Variants in YPEL2 observed in about 807,000 individuals in gnomAD.
YPEL2 encodes the protein yippee like 2.
Under a neutral mutation model 19.1 loss-of-function variants are expected in YPEL2, and 2 were observed. The ratio of observed to expected loss-of-function variants is 0.10; its 90% CI spans 0.04 to 0.33. YPEL2 has a LOEUF of 0.33. YPEL2 is among the 10% of genes least tolerant of loss of function. The pLI is 1.00. For missense variants in YPEL2, 66 were observed against 140.7 expected, an observed-to-expected ratio of 0.47 and a Z score of 2.68; for synonymous variants, 52 against 50.0, an observed-to-expected ratio of 1.04 and a Z score of -0.17.
At chr17:59,351,387 G>A (rs996708162) in intron 1 of YPEL2, among the ~76,000 whole-genome samples, 7 of 151,950 alleles carry the variant, frequency 4.6e-5, no homozygotes, top group African/African-American at 1.4e-4. Flanking sequence ...AAAAAAGAAA[G>A]AAAAAGAAAG....
At position 59,401,191 on chromosome 17, in the gene YPEL2, G is replaced by A. The variant is rs2048069351; in HGVS notation, c.*4001G>A. On this transcript the variant is annotated 3_prime_UTR_variant, in exon 5 of 5. Transcript: ENST00000312655. ...TTTTTTTAAGGTCAGATTGCCTCAG[G>A]TTTAGAAAGAGGCTGAGAAATCAAA... 6.6e-6 allele frequency: 1 copy of A among 151,946 alleles called. No individual in the cohort carries two copies. The allele number at this position is 151,946 out of a possible 1,614,324, so 9.4% of individuals were successfully genotyped here. A position where few individuals can be genotyped will look rare whatever the true frequency, so the allele number is the denominator to read the frequency against.
intron 1 of YPEL2, among the ~76,000 whole-genome samples, chr17:59,351,218 T>C (rs1170440340): frequency 2.0e-5 from 3 of 151,936 alleles, no homozygotes; most frequent in Non-Finnish European, 4.4e-5. Context: ...CTACTAAAAA[T>C]ACAAAAATTA....
In YPEL2 at chr17:59,332,421, G is replaced by T. The variant is rs535607108; in HGVS notation, c.-196+597G>T. 2.6e-3 allele frequency among the ~76,000 whole-genome samples: 395 copies of T among 152,288 alleles called. 5 individuals are homozygous for T. The highest frequency in any genetic ancestry group is 7.4e-3 in the East Asian group (38 of 5,166). On this transcript the variant is annotated intron_variant, in intron 1 of 4. Coordinates refer to ENST00000312655, the MANE Select transcript of YPEL2 (RefSeq NM_001005404.4). Reference sequence around the variant, plus strand: ...AGTTCCTCCCTGGCCGCGTCTCGGCGCCTCCCCGGTGTCCTTGCCAAGGGG... The same window carrying T: ...AGTTCCTCCCTGGCCGCGTCTCGGCTCCTCCCCGGTGTCCTTGCCAAGGGG...
intron 2 of YPEL2, among the ~76,000 whole-genome samples, chr17:59,356,902 C>T (rs1435900359): frequency 1.3e-5 from 2 of 152,182 alleles, no homozygotes; most frequent in Non-Finnish European, 1.5e-5. Context: ...GACCTAATCA[C>T]CTCCCAAAGG....
chr17:59,390,353 G>C (rs1242653096), intron 4 of YPEL2, among the ~76,000 whole-genome samples: 8 of 152,100 alleles, frequency 5.3e-5, no homozygotes, highest in Non-Finnish European at 1.2e-4. Flanking sequence ...TGTTGCTCAG[G>C]CTGGCCTCAA....
chr17:59,357,276 T>C (rs771516856), intron 2 of YPEL2, among the ~76,000 whole-genome samples: 2 of 152,186 alleles, frequency 1.3e-5, no homozygotes, highest in African/African-American at 2.4e-5. Context: ...TAGTTTTAGT[T>C]TGGCTAAGAT....
intron 2 of YPEL2, among the ~76,000 whole-genome samples, chr17:59,378,798 C>G (rs1406278592): frequency 6.6e-6 from 1 of 152,208 alleles, no homozygotes; most frequent in African/African-American, 2.4e-5. Flanking sequence ...CCTGCCCCTC[C>G]CTCCATCTGT....
At chr17:59,387,141 TC>T (rs908264799) in intron 2 of YPEL2, among the ~76,000 whole-genome samples, 5 of 148,832 alleles carry the variant, frequency 3.4e-5, no homozygotes, top group African/African-American at 5.0e-5. Flanking sequence ...ACACCTGTGG[TC>T]CCAGCTACTC....
intron 1 of YPEL2, among the ~76,000 whole-genome samples, chr17:59,345,607 A>G (rs976683415): frequency 2.6e-5 from 4 of 152,176 alleles, no homozygotes; most frequent in Non-Finnish European, 5.9e-5. Flanking sequence ...GTCCCCAGCT[A>G]AGCCACAGAA....
At chr17:59,355,071 C>T (rs980243795) in intron 2 of YPEL2, 2 of 151,860 alleles carry the variant, frequency 1.3e-5, no homozygotes, top group Non-Finnish European at 2.9e-5. Flanking sequence ...GAAGCAGTGC[C>T]ATGTATCATA....
chr17:59,372,230 A>T (rs1026282109), intron 2 of YPEL2, among the ~76,000 whole-genome samples: 2 of 152,188 alleles, frequency 1.3e-5, no homozygotes, highest in African/African-American at 4.8e-5. Flanking sequence ...TGGCCTCTGA[A>T]TTTTCCCAGA....
intron 2 of YPEL2, among the ~76,000 whole-genome samples, chr17:59,369,050 A>G (rs1038436593): frequency 6.6e-6 from 1 of 151,066 alleles, no homozygotes; most frequent in Admixed American, 6.6e-5. Context: ...TTGTTAGTTC[A>G]TGGAGGTCTG....
At chr17:59,371,143 G>A (rs2047895213) in intron 2 of YPEL2, among the ~76,000 whole-genome samples, 1 of 152,156 alleles carries the variant, frequency 6.6e-6, no homozygotes, top group African/African-American at 2.4e-5. Flanking sequence ...CAAATACCCA[G>A]TCTCCTGTTT....
chr17:59,345,249 G>A (rs1034754711), intron 1 of YPEL2: 5 of 152,158 alleles, frequency 3.3e-5, no homozygotes, highest in African/African-American at 1.2e-4. Flanking sequence ...TGACGTATAA[G>A]CCCCCGAAAC....
chr17:59,371,177 T>C (rs2047895369), intron 2 of YPEL2, among the ~76,000 whole-genome samples: 1 of 152,190 alleles, frequency 6.6e-6, no homozygotes. Flanking sequence ...AAAGATCCCA[T>C]GGCCAAGGTG....
chr17:59,393,709 ATGACTCTTAACG>A (rs2048020875), intron 4 of YPEL2, among the ~76,000 whole-genome samples: 1 of 147,796 alleles, frequency 6.8e-6, no homozygotes. Context: ...GGGAGTGGTG[ATGACTCTTAACG>A]AGCATGCTGC....
chr17:59,361,737 A>G (rs959767630), intron 2 of YPEL2, among the ~76,000 whole-genome samples: 1 of 152,164 alleles, frequency 6.6e-6, no homozygotes, highest in African/African-American at 2.4e-5. Context: ...CAGGCTCTCC[A>G]CCAAAGATAC....
intron 2 of YPEL2, among the ~76,000 whole-genome samples, chr17:59,371,427 A>G (rs1367269010): frequency 6.6e-6 from 1 of 152,192 alleles, no homozygotes; most frequent in Non-Finnish European, 1.5e-5. Flanking sequence ...CTGGGGCACA[A>G]TCGTACATAT....
At chr17:59,338,368 A>G (rs1038518413) in intron 1 of YPEL2, among the ~76,000 whole-genome samples, 1 of 152,184 alleles carries the variant, frequency 6.6e-6, no homozygotes, top group Admixed American at 6.5e-5. Context: ...CGAAATTTTT[A>G]GTTCTAGGAA....
Sources: allele counts gnomAD v4.1 joint callset (sites outside exome capture counted in the v4.1 genomes callset), GRCh38; gene constraint gnomAD v4.1.1; transcripts MANE v1.5; gene names NCBI Gene and HGNC (gene_info 2026-07-23, HGNC 2026-07-21).